SHOC1: variants seen among roughly 807,000 people sequenced by gnomAD.
SHOC1 encodes the protein shortage in chiasmata 1.
In SHOC1, 136 loss-of-function variants were observed where a neutral mutation model predicts 179.2. The ratio of observed to expected loss-of-function variants is 0.76; its 90% CI spans 0.66 to 0.87. SHOC1 has a LOEUF of 0.87. Ranked by LOEUF, SHOC1 falls within the 40% of genes least tolerant of loss-of-function variation. The probability of loss-of-function intolerance (pLI) is 0.00; values close to 1 mark genes in which losing one functional copy is unlikely to be tolerated. For missense variants in SHOC1, 1,538 were observed against 1,700.8 expected, an observed-to-expected ratio of 0.90 and a Z score of 1.68; for synonymous variants, 489 against 586.6, an observed-to-expected ratio of 0.83 and a Z score of 2.41.
chr9:111,728,386 GA>G (rs1456309175), intron 12 of SHOC1, among the ~76,000 whole-genome samples: 3 of 151,706 alleles, frequency 2.0e-5, no homozygotes, highest in Non-Finnish European at 2.9e-5. Context: ...AGCCACAATG[GA>G]AAAAAATACT....
At chr9:111,715,133 C>T (rs1242902988) in intron 16 of SHOC1, among the ~76,000 whole-genome samples, 1 of 152,150 alleles carries the variant, frequency 6.6e-6, no homozygotes, top group Non-Finnish European at 1.5e-5. Flanking sequence ...TCACTAAGGG[C>T]ATTTTTAAAC....
rs7036568 is a variant in SHOC1, at chr9:111,706,686, A to C, written c.2619T>G (p.Asn873Lys). The change falls in exon 20 of 28, where the codon AAT becomes AAG. Residue 873 changes from asparagine (N) to lysine (K), a missense_variant. Physicochemically the swap from Asn to Lys is moderately conservative, Grantham distance 94 (BLOSUM62 0). Transcript: ENST00000682961. Reference protein sequence around the residue: ...QYIGADFPWSNFSFVVEYNYV... With the variant: ...QYIGADFPWSKFSFVVEYNYV... ...AATTGTATTCCACCACAAATGAGAA[A>C]TTACTCCAGGGGAAATCTGCTCCAA... The C allele has an allele frequency of 0.24, 386,940 of 1,606,544 alleles. 48,831 individuals carry two copies. The highest frequency in any genetic ancestry group is 0.33 in the African/African-American group (24,347 of 74,562).
chr9:111,781,521 G>A (rs1253687023), intron 3 of SHOC1, among the ~76,000 whole-genome samples: 1 of 152,088 alleles, frequency 6.6e-6, no homozygotes, highest in Non-Finnish European at 1.5e-5. Context: ...CCAGGAGTTC[G>A]AGACCAGCCT....
At chr9:111,742,192 C>T (rs769771510) in intron 10 of SHOC1, among the ~76,000 whole-genome samples, 5 of 152,124 alleles carry the variant, frequency 3.3e-5, no homozygotes, top group Non-Finnish European at 7.4e-5. Context: ...TTTAGCACTT[C>T]CCTCCATAAA....
rs774050838 is a variant in SHOC1, at chr9:111,691,906, A to G, written c.4071T>C (p.His1357=). 2.0e-5 allele frequency: 32 copies of G among 1,613,840 alleles called. 1 individual carries two copies. In the South Asian group the frequency reaches 2.7e-4, roughly 14 times the overall value. Residue 1357 remains histidine, a synonymous_variant, in exon 27 of 28, where the codon CAT becomes CAC. Coordinates refer to ENST00000682961, the MANE Select transcript of SHOC1 (RefSeq NM_001378211.1). ...CCCATATATTTTTCTTAAAGTTCCA[A>G]TGAAGAGGAGATTGAGTGCCCTCTA... ...FSLEGTQSPL[H]WNFKKNIWEQ... is the part of the protein sequence containing the mutation.
chr9:111,758,991 T>TA lies in SHOC1; in HGVS notation c.443-144_443-143insT, dbSNP rs1835010602. On this transcript the variant is annotated intron_variant, in intron 5 of 27. Coordinates refer to ENST00000682961, the MANE Select transcript of SHOC1 (RefSeq NM_001378211.1). The stretch of plus-strand genomic sequence containing the variant: ...AACTCTGTAGCTCTTCATTGTACTG[T>TA]GCATATAGAGCATGTAGCATAGTTC... 10 of 882,964 alleles carry TA rather than the reference T, an allele frequency of 1.1e-5. No homozygotes were observed. The East Asian group carries it at 2.3e-4, about 20-fold the overall frequency. The allele number at this position is 882,964 out of a possible 1,614,324, so 54.7% of individuals were successfully genotyped here. A position where few individuals can be genotyped will look rare whatever the true frequency, so the allele number is the denominator to read the frequency against.
chr9:111,741,655 G>A (rs1226548921), intron 10 of SHOC1, 85 bp from the exon 11 acceptor site: 11 of 669,004 alleles, frequency 1.6e-5, no homozygotes, highest in Non-Finnish European at 2.3e-5. Context: ...TTTTTTTGAG[G>A]CAGAGTCTCG....
intron 5 of SHOC1, among the ~76,000 whole-genome samples, chr9:111,767,624 C>T (rs1018073118): frequency 2.0e-5 from 3 of 152,138 alleles, no homozygotes; most frequent in Non-Finnish European, 2.9e-5. Flanking sequence ...CATTGTGATG[C>T]TTCCAGCTTT....
In SHOC1 at chr9:111,718,250, C is replaced by T. The variant is rs755742775; in HGVS notation, c.2170G>A (p.Ala724Thr). 1.6e-5 allele frequency: 25 copies of T among 1,593,266 alleles called. No individual in the cohort carries two copies. The East Asian group carries it at 3.0e-4, about 19-fold the overall frequency. Residue 724 changes from alanine (A) to threonine (T), a missense_variant, in exon 16 of 28, where the codon GCT (alanine) becomes ACT (threonine). Physicochemically the swap from Ala to Thr is moderately conservative, Grantham distance 58 (BLOSUM62 0). Coordinates refer to ENST00000682961, the MANE Select transcript of SHOC1 (RefSeq NM_001378211.1). Reference protein sequence around the residue: ...DEREMTFKHAALLHLLVTIRD... With the variant: ...DEREMTFKHATLLHLLVTIRD... ...ATTGTTACCAGAAGATGTAAGAGAG[C>T]GGCATGCTTGAAAGTCATTTCTCTT...
intron 25 of SHOC1, 122 bp downstream of exon 25, chr9:111,694,109 G>A (rs1429699745): frequency 6.1e-6 from 7 of 1,148,250 alleles, no homozygotes; most frequent in Non-Finnish European, 8.6e-6. Flanking sequence ...TAAAACTTTT[G>A]TTATTGCACC....
At chr9:111,740,897 C>T (rs772579006) in intron 11 of SHOC1, among the ~76,000 whole-genome samples, 27 of 151,850 alleles carry the variant, frequency 1.8e-4, no homozygotes, top group Non-Finnish European at 3.5e-4. Context: ...TTTGTTTGTT[C>T]GTTTGTTTGA....
At position 111,691,883 on chromosome 9, in the gene SHOC1, CAT is replaced by C. The variant is rs1564101022; in HGVS notation, c.4092_4093del (p.Ile1364MetfsTer20). On this transcript the variant is annotated frameshift_variant, in exon 27 of 28. Transcript: ENST00000682961. LOFTEE classifies it high-confidence loss of function. ...GTTGAACGGGTGATTCTCTTGTTCC[CAT>C]ATATTTTTCTTAAAGTTCCAATGAA... The C allele has an allele frequency of 6.2e-7, 1 of 1,613,742 alleles. No individual in the cohort carries two copies. The highest frequency in any genetic ancestry group is 8.5e-7 in the Non-Finnish European group (1 of 1,179,922).
chr9:111,733,689 G>A (rs1426299393), intron 12 of SHOC1, among the ~76,000 whole-genome samples: 3 of 152,028 alleles, frequency 2.0e-5, no homozygotes, highest in Non-Finnish European at 4.4e-5. Context: ...CCAACATGGC[G>A]AAACCCCATC....
chr9:111,704,035 T>C lies in SHOC1; in HGVS notation c.2856-43A>G, dbSNP rs375889886. On this transcript the variant is annotated intron_variant, in intron 21 of 27. Transcript: ENST00000682961. ...CTTGAGTGAAAAAATGAAATGCTAA[T>C]AAAATTATTTAAGAAAAGTTGTAGT... 7 of 1,064,206 alleles carry C rather than the reference T, an allele frequency of 6.6e-6. No homozygotes were observed. The African/African-American group carries it at 1.1e-4, about 17-fold the overall frequency. 65.9% of individuals were successfully genotyped at this position (1,064,206 alleles called of 1,614,324 possible).
intron 18 of SHOC1, among the ~76,000 whole-genome samples, chr9:111,712,200 G>T (rs1832582462): frequency 6.6e-6 from 1 of 152,150 alleles, no homozygotes; most frequent in African/African-American, 2.4e-5. Context: ...AAACTATAAG[G>T]CCAGGGTGTT....
intron 16 of SHOC1, among the ~76,000 whole-genome samples, chr9:111,717,849 C>A (rs1253552646): frequency 6.6e-6 from 1 of 152,038 alleles, no homozygotes; most frequent in Non-Finnish European, 1.5e-5. Context: ...CACAAAAATG[C>A]AATGAGGACC....
chr9:111,776,589 T>C lies in SHOC1; in HGVS notation c.258-614A>G, dbSNP rs1374757884. Among the ~76,000 whole-genome samples the C allele has an allele frequency of 3.3e-5, 5 of 152,304 alleles. No individual in the cohort carries two copies. In the East Asian group the frequency reaches 9.6e-4, roughly 29 times the overall value. On this transcript the variant is annotated intron_variant, in intron 4 of 27. Coordinates refer to ENST00000682961, the MANE Select transcript of SHOC1 (RefSeq NM_001378211.1). ...CCTCTATGAACTAACCAAGATTCCT[T>C]GTTCTCTGGCTTCTAGATGGGTTCA...
At chr9:111,716,904 G>T (rs1388089372) in intron 16 of SHOC1, among the ~76,000 whole-genome samples, 1 of 152,130 alleles carries the variant, frequency 6.6e-6, no homozygotes. Context: ...AAGGATTGGG[G>T]GCTAAGAACC....
chr9:111,765,362 C>A (rs1002991245), intron 5 of SHOC1, among the ~76,000 whole-genome samples: 12 of 152,160 alleles, frequency 7.9e-5, no homozygotes, highest in Admixed American at 6.5e-4. Flanking sequence ...CTTTGCGAGG[C>A]CAAGGTGAAA....
Sources: gnomAD v4.1 joint callset for allele counts (sites outside exome capture counted in the v4.1 genomes callset) on GRCh38, gnomAD v4.1.1 for gene constraint, MANE v1.5 for transcripts, NCBI Gene and HGNC (gene_info 2026-07-23, HGNC 2026-07-21) for gene names.